The following GRM8 variants were observed in gnomAD, a reference collection of about 807,000 sequenced individuals.
The protein encoded by GRM8 is glutamate metabotropic receptor 8.
GRM8 carries 47 observed loss-of-function variants against 87.2 expected under a neutral mutation model. That is an observed-to-expected ratio of 0.54 (90% CI 0.43 to 0.69). The LOEUF (loss-of-function observed/expected upper bound fraction) is 0.69. Ranked by LOEUF, GRM8 falls within the 30% of genes least tolerant of loss-of-function variation. The pLI, the probability that GRM8 is intolerant of heterozygous loss-of-function variation, is 0.00. For missense variants in GRM8, 1,019 were observed against 1,139.2 expected (o/e 0.89, Z 1.52); for synonymous variants, 396 against 404.5 (o/e 0.98, Z 0.25).
intron 8 of GRM8, among the ~76,000 whole-genome samples, chr7:126,549,724 G>A (rs1365788715): frequency 6.6e-6 from 1 of 151,980 alleles, no homozygotes; most frequent in East Asian, 1.9e-4. Context: ...CAATCATTCA[G>A]AAAATATAAC....
chr7:126,736,331 T>A (rs375914960), intron 7 of GRM8, among the ~76,000 whole-genome samples: 1 of 152,100 alleles, frequency 6.6e-6, no homozygotes, highest in African/African-American at 2.4e-5. Context: ...TCTTAAGCCA[T>A]GTGCAAACAT....
chr7:127,141,137 G>A (rs762785949), intron 2 of GRM8, among the ~76,000 whole-genome samples: 13 of 151,950 alleles, frequency 8.6e-5, no homozygotes, highest in Non-Finnish European at 1.8e-4. Flanking sequence ...CCTATATGGT[G>A]CCAATGGCCA....
At chr7:126,952,318 G>T (rs1808249316) in intron 3 of GRM8, among the ~76,000 whole-genome samples, 1 of 151,856 alleles carries the variant, frequency 6.6e-6, no homozygotes. Context: ...ATCTAAATAG[G>T]AGAGAAAGAC....
In GRM8 at chr7:127,252,175, G is replaced by C. The variant is rs1054780722; in HGVS notation, c.-312+622C>G. On this transcript the variant is annotated intron_variant, in intron 1 of 10. Transcript: ENST00000339582. This position sits in a 1 kb window ranked among gnomAD's most constrained non-coding sequence, Gnocchi z 4.9. ...GTCCGGATTCCACCAGGGCAGGTCC[G>C]GGAGGTCACCCAGGGCAGACGATCC... 5 of 152,158 alleles carry C rather than the reference G, an allele frequency of 3.3e-5. No homozygotes were observed. Among genetic ancestry groups the C allele is most frequent in the Non-Finnish European group, 7.3e-5 (5 of 68,102 alleles). 9.4% of individuals were successfully genotyped at this position (152,158 alleles called of 1,614,324 possible).
intron 3 of GRM8, among the ~76,000 whole-genome samples, chr7:126,953,855 A>G (rs1586581694): frequency 6.6e-6 from 1 of 152,162 alleles, no homozygotes; most frequent in Admixed American, 6.5e-5. Flanking sequence ...TGCTAAATGG[A>G]TGACTACTTT....
intron 3 of GRM8, among the ~76,000 whole-genome samples, chr7:127,002,084 A>G (rs17869243): frequency 2.4e-4 from 37 of 151,704 alleles, no homozygotes; most frequent in African/African-American, 8.4e-4. Flanking sequence ...ACATTTTTGG[A>G]TAATAAAAAG....
intron 2 of GRM8, among the ~76,000 whole-genome samples, chr7:127,204,672 T>TTA (rs1795804580): frequency 6.6e-6 from 1 of 152,172 alleles, no homozygotes; most frequent in African/African-American, 2.4e-5. Flanking sequence ...TTTTTTTTTT[T>TTA]TATAACATAT....
intron 3 of GRM8, among the ~76,000 whole-genome samples, chr7:127,050,229 A>G (rs1304036558): frequency 6.6e-6 from 1 of 152,180 alleles, no homozygotes; most frequent in African/African-American, 2.4e-5. Flanking sequence ...AGGGTAGATG[A>G]AGGTGAACAG....
At chr7:127,016,202 C>T (rs1479042053) in intron 3 of GRM8, among the ~76,000 whole-genome samples, 1 of 151,980 alleles carries the variant, frequency 6.6e-6, no homozygotes, top group Admixed American at 6.6e-5. Context: ...TGAAATACAT[C>T]CACCAATAAA....
At chr7:126,723,969 T>C (rs760247406) in intron 7 of GRM8, among the ~76,000 whole-genome samples, 20 of 152,164 alleles carry the variant, frequency 1.3e-4, no homozygotes, top group Non-Finnish European at 2.9e-4. Flanking sequence ...TCCAGGAGTT[T>C]ACATTTGTTA....
intron 8 of GRM8, among the ~76,000 whole-genome samples, chr7:126,585,695 C>G (rs1375738681): frequency 1.3e-5 from 2 of 152,044 alleles, no homozygotes; most frequent in East Asian, 3.9e-4. Flanking sequence ...ATAATAAGAG[C>G]TATTTATGAC....
intron 3 of GRM8, chr7:127,076,071 T>C: frequency 4.6e-6 from 2 of 436,724 alleles, no homozygotes; most frequent in South Asian, 3.3e-5. Context: ...ACATTGTATG[T>C]AAGAAGAAGA....
chr7:126,487,342 G>A (rs1482965703), intron 9 of GRM8, among the ~76,000 whole-genome samples: 1 of 151,756 alleles, frequency 6.6e-6, no homozygotes, highest in Non-Finnish European at 1.5e-5. Context: ...TGTTGTCTAG[G>A]CTAGATTCAA....
At chr7:127,200,749 G>T (rs927960712) in intron 2 of GRM8, among the ~76,000 whole-genome samples, 1 of 152,116 alleles carries the variant, frequency 6.6e-6, no homozygotes, top group African/African-American at 2.4e-5. Flanking sequence ...TTCTTATAAA[G>T]ACATGAGTCA....
intron 3 of GRM8, among the ~76,000 whole-genome samples, chr7:126,984,447 A>T (rs190066272): frequency 6.6e-6 from 1 of 152,322 alleles, no homozygotes; most frequent in East Asian, 1.9e-4. Context: ...CACAGTCAGA[A>T]TATAAAGTGG....
At chr7:126,471,884 T>C (rs1175448507) in intron 9 of GRM8, among the ~76,000 whole-genome samples, 3 of 152,216 alleles carry the variant, frequency 2.0e-5, no homozygotes, top group Non-Finnish European at 4.4e-5. Context: ...TGGTTTGTAG[T>C]TCTCCTTGAA....
At chr7:127,241,161 A>G (rs1364917900) in intron 2 of GRM8, among the ~76,000 whole-genome samples, 1 of 152,172 alleles carries the variant, frequency 6.6e-6, no homozygotes, top group Non-Finnish European at 1.5e-5. Flanking sequence ...GTTGCCTCAT[A>G]CCATTTTCTC....
intron 8 of GRM8, among the ~76,000 whole-genome samples, chr7:126,576,865 C>A (rs976274625): frequency 6.6e-6 from 1 of 152,162 alleles, no homozygotes; most frequent in Admixed American, 6.5e-5. Context: ...CTTACACTTA[C>A]AGCCCCCATT....
intron 6 of GRM8, among the ~76,000 whole-genome samples, chr7:126,854,686 T>C (rs1474761131): frequency 1.3e-5 from 2 of 152,232 alleles, no homozygotes; most frequent in Non-Finnish European, 2.9e-5. Flanking sequence ...CTTCCTTAGC[T>C]GTTAAACCAA....
Sources: gnomAD v4.1 joint callset for allele counts (sites outside exome capture counted in the v4.1 genomes callset) on GRCh38, gnomAD v4.1.1 for gene constraint, Gnocchi (gnomAD v3.1) non-coding constraint, MANE v1.5 for transcripts, NCBI Gene and HGNC (gene_info 2026-07-23, HGNC 2026-07-21) for gene names.